EZH1: variants seen among roughly 807,000 people sequenced by gnomAD.
EZH1 encodes histone-lysine N-methyltransferase EZH1.
A neutral mutation model predicts 100.5 loss-of-function variants in EZH1; 33 were observed. The ratio of observed to expected loss-of-function variants is 0.33; its 90% CI spans 0.25 to 0.44. The LOEUF (loss-of-function observed/expected upper bound fraction) is 0.44, where lower values mean the gene tolerates loss of function less well. EZH1 is among the 20% of genes least tolerant of loss of function. EZH1 has a pLI of 1.00. For missense variants in EZH1, 475 were observed against 928.4 expected, an observed-to-expected ratio of 0.51 and a Z score of 6.35; for synonymous variants, 272 against 313.8, an observed-to-expected ratio of 0.87 and a Z score of 1.41.
intron 6 of EZH1, among the ~76,000 whole-genome samples, chr17:42,720,865 G>A (rs974441194): frequency 6.6e-6 from 1 of 152,064 alleles, no homozygotes; most frequent in Non-Finnish European, 1.5e-5. Context: ...ATGTCAGGCT[G>A]GTCGTGAACT....
rs1597817025 is a variant in EZH1 at position 42,701,532 on chromosome 17, T to C, written c.*1000A>G. On this transcript the variant is annotated 3_prime_UTR_variant, in exon 21 of 21. Coordinates refer to ENST00000428826, the MANE Select transcript of EZH1 (RefSeq NM_001991.5). ...CAGGAAAGCAGATTACACCAATCTT[T>C]CTCCTCTCTAGTCCAAGCCTGTGCC... 6.5e-6 allele frequency: 1 copy of C among 152,908 alleles called. No individual in the cohort carries two copies. Among genetic ancestry groups the C allele is most frequent in the East Asian group, 1.9e-4 (1 of 5,326 alleles). 9.5% of individuals were successfully genotyped at this position (152,908 alleles called of 1,614,324 possible). A position where few individuals can be genotyped will look rare whatever the true frequency, so the allele number is the denominator to read the frequency against.
intron 12 of EZH1, among the ~76,000 whole-genome samples, chr17:42,711,890 AGCAGCAGCT>A (rs3067937): frequency 0.66 from 100,088 of 151,226 alleles, 34,556 homozygotes; most frequent in African/African-American, 0.88. Flanking sequence ...TGGTGGAGGG[AGCAGCAGCT>A]GCAGCAGCTG....
intron 15 of EZH1, among the ~76,000 whole-genome samples, chr17:42,707,193 A>G (rs913411019): frequency 1.3e-5 from 2 of 152,190 alleles, no homozygotes; most frequent in African/African-American, 4.8e-5. Flanking sequence ...TCTGAATAAA[A>G]AATTTTTTAA....
Position 42,702,158 on chromosome 17 carries a change from G to A in EZH1, c.*374C>T. The A allele has an allele frequency of 1.0e-5, 2 of 196,298 alleles. No homozygotes were observed. The highest frequency in any genetic ancestry group is 2.1e-5 in the Non-Finnish European group (2 of 95,402). The allele number at this position is 196,298 out of a possible 1,614,324, so 12.2% of individuals were successfully genotyped here. On this transcript the variant is annotated 3_prime_UTR_variant, in exon 21 of 21. Coordinates refer to ENST00000428826, the MANE Select transcript of EZH1 (RefSeq NM_001991.5). ...AACATAAGGACTCTTGATGTGGAAA[G>A]CTACAATTACAGGCTAGCGCTTGTT... is the stretch of plus-strand genomic sequence containing the variant.
chr17:42,731,522 C>A (rs1173906923), intron 1 of EZH1, among the ~76,000 whole-genome samples: 1 of 152,102 alleles, frequency 6.6e-6, no homozygotes, highest in Non-Finnish European at 1.5e-5. Flanking sequence ...ATAAAATCCA[C>A]AAGATGATGC....
intron 18 of EZH1, 39 bp from the exon 19 acceptor site, chr17:42,703,859 G>A (rs1326289816): frequency 2.8e-6 from 4 of 1,410,002 alleles, no homozygotes; most frequent in Non-Finnish European, 3.0e-6. Flanking sequence ...AAGCACAGCA[G>A]GCAATTCCAC....
rs1388960572 is a variant in EZH1, at chr17:42,703,053, T to C, written c.2099-92A>G. 6 of 1,221,194 alleles carry C rather than the reference T, an allele frequency of 4.9e-6. No individual in the cohort carries two copies. The African/African-American group carries it at 8.9e-5, about 18-fold the overall frequency. The allele number at this position is 1,221,194 out of a possible 1,614,324, so 75.6% of individuals were successfully genotyped here. On this transcript the variant is annotated intron_variant, in intron 19 of 20. Transcript: ENST00000428826. ...GGGTTGATTTTCTCCAAATTCCCAG[T>C]GAAAACATGAATCAAATGGAATTAG...
rs769056328 is a variant in EZH1 at position 42,708,030 on chromosome 17, G to T, written c.1588C>A (p.Pro530Thr). ...NYQPCDHPDR[P>T]CDSTCPCIMT... ...ATGCAGGGGCAGGTGCTGTCACAGG[G>T]GCGGTCTGGGTGGTCGCAGGGTTGG... The change falls in exon 15 of 21, where the codon CCC becomes ACC. Residue 530 changes from proline to threonine, a missense_variant. Coordinates refer to ENST00000428826, the MANE Select transcript of EZH1 (RefSeq NM_001991.5). 8 of 1,613,444 alleles carry T rather than the reference G, an allele frequency of 5.0e-6. No individual in the cohort carries two copies. The highest frequency in any genetic ancestry group is 6.8e-6 in the Non-Finnish European group (8 of 1,179,870).
At chr17:42,734,086 C>A (rs1597863578) in intron 1 of EZH1, among the ~76,000 whole-genome samples, 1 of 148,928 alleles carries the variant, frequency 6.7e-6, no homozygotes, top group African/African-American at 2.5e-5. Context: ...CTCGCTCTGT[C>A]ACCCAAGCTG....
At chr17:42,737,047 G>A (rs575572224) in intron 1 of EZH1, among the ~76,000 whole-genome samples, 2 of 147,964 alleles carry the variant, frequency 1.4e-5, no homozygotes, top group South Asian at 4.3e-4. Context: ...GTGTAATGAT[G>A]CAATCTCGGC....
At chr17:42,743,349 T>C (rs2054213493) in intron 1 of EZH1, among the ~76,000 whole-genome samples, 1 of 151,730 alleles carries the variant, frequency 6.6e-6, no homozygotes, top group Admixed American at 6.6e-5. Flanking sequence ...TTTTGTATTT[T>C]TAGTAGAGAT....
At chr17:42,727,143 T>C (rs7209612) in intron 4 of EZH1, among the ~76,000 whole-genome samples, 101,028 of 152,040 alleles carry the variant, frequency 0.66, 34,970 homozygotes, top group African/African-American at 0.88. Flanking sequence ...AGCCACTGCG[T>C]CCAGCCCCCG....
intron 13 of EZH1, 43 bp from the exon 14 acceptor site, chr17:42,708,959 G>A: frequency 6.2e-7 from 1 of 1,612,900 alleles, no homozygotes; most frequent in Non-Finnish European, 8.5e-7. Flanking sequence ...CGGCCCTAGG[G>A]AGCTCTGCAA....
At chr17:42,734,150 C>T (rs891665431) in intron 1 of EZH1, among the ~76,000 whole-genome samples, 5 of 151,314 alleles carry the variant, frequency 3.3e-5, no homozygotes, top group Admixed American at 6.6e-5. Flanking sequence ...CAAGTTCAAG[C>T]GATCCTTGTG....
At chr17:42,721,834 A>C (rs1009367975) in intron 6 of EZH1, among the ~76,000 whole-genome samples, 1 of 151,608 alleles carries the variant, frequency 6.6e-6, no homozygotes, top group South Asian at 2.1e-4. Flanking sequence ...ACGTGGTGAG[A>C]CTCCATCTCT....
At chr17:42,736,354 G>C (rs950884775) in intron 1 of EZH1, among the ~76,000 whole-genome samples, 2 of 152,126 alleles carry the variant, frequency 1.3e-5, no homozygotes, top group African/African-American at 4.8e-5. Flanking sequence ...TCTCCACAAA[G>C]ATCTGTACCC....
intron 18 of EZH1, 40 bp downstream of exon 18, chr17:42,704,562 A>C (rs1280322665): frequency 1.9e-6 from 3 of 1,544,734 alleles, no homozygotes; most frequent in Admixed American, 3.8e-5. Context: ...AAAGAAAAAA[A>C]AAAAAGACCA....
In EZH1 at chr17:42,720,340, A is replaced by G. The variant is rs1390116576; in HGVS notation, c.597T>C (p.Asp199=). Residue 199 remains aspartate, a synonymous_variant, in exon 7 of 21, where the codon GAT becomes GAC. Transcript: ENST00000428826. ...EEEEGHNDTS[D]GKQDDSKEDL... ...CTTCTTTGCTGTCATCCTGCTTTCC[A>G]TCTGAGGTGTCATTGTGCCCTTCCT... 1 of 1,614,148 alleles carries G rather than the reference A, an allele frequency of 6.2e-7. No individual in the cohort carries two copies. Among genetic ancestry groups the G allele is most frequent in the Non-Finnish European group, 8.5e-7 (1 of 1,180,030 alleles).
intron 19 of EZH1, chr17:42,703,444 C>G (rs529721529): frequency 8.3e-6 from 3 of 363,600 alleles, no homozygotes; most frequent in Non-Finnish European, 1.5e-5. Context: ...TCCCAAAGTG[C>G]TGGGATTACA....
Sources: allele counts gnomAD v4.1 joint callset (sites outside exome capture counted in the v4.1 genomes callset), GRCh38; gene constraint gnomAD v4.1.1; transcripts MANE v1.5; gene names NCBI Gene and HGNC (gene_info 2026-07-23, HGNC 2026-07-21).